The following ST7 variants were observed in gnomAD, a reference collection of about 807,000 sequenced individuals.
ST7 encodes suppressor of tumorigenicity 7 protein.
Under a neutral mutation model 78.7 loss-of-function variants are expected in ST7, and 28 were observed. The ratio of observed to expected loss-of-function variants is 0.36; its 90% confidence interval spans 0.26 to 0.49. The LOEUF (loss-of-function observed/expected upper bound fraction) is 0.49. Among genes scored for constraint, ST7 ranks in the 20% least tolerant of loss-of-function variants. The pLI is 0.99. For missense variants in ST7, 418 were observed against 696.0 expected, an observed-to-expected ratio of 0.60 and a Z score of 4.49; for synonymous variants, 247 against 249.6, an observed-to-expected ratio of 0.99 and a Z score of 0.10.
At chr7:117,212,776 A>G (rs902267569) in intron 13 of ST7, among the ~76,000 whole-genome samples, 2 of 152,196 alleles carry the variant, frequency 1.3e-5, no homozygotes, top group African/African-American at 4.8e-5. Flanking sequence ...ATGTATACAC[A>G]TATATTTAAA....
intron 1 of ST7, among the ~76,000 whole-genome samples, chr7:117,029,034 C>A (rs1796340696): frequency 6.6e-6 from 1 of 152,186 alleles, no homozygotes; most frequent in African/African-American, 2.4e-5. Flanking sequence ...ATAATTAACA[C>A]ATATTTTGTA....
chr7:117,048,147 G>A (rs951343376), intron 1 of ST7, among the ~76,000 whole-genome samples: 1 of 152,066 alleles, frequency 6.6e-6, no homozygotes, highest in Non-Finnish European at 1.5e-5. Flanking sequence ...TCATTTTCAT[G>A]TTTAGTAGGC....
intron 10 of ST7, among the ~76,000 whole-genome samples, chr7:117,183,707 A>G (rs963071833): frequency 1.3e-5 from 2 of 152,214 alleles, no homozygotes; most frequent in African/African-American, 2.4e-5. Flanking sequence ...AACAGTTTCC[A>G]ATAAAGTTAA....
chr7:117,195,538 A>G (rs1377192567), intron 12 of ST7, among the ~76,000 whole-genome samples: 1 of 152,222 alleles, frequency 6.6e-6, no homozygotes, highest in East Asian at 1.9e-4. Context: ...CTCACAGTTC[A>G]GCATGGCTAG....
intron 1 of ST7, among the ~76,000 whole-genome samples, chr7:116,982,919 A>G (rs554022004): frequency 3.0e-4 from 45 of 152,140 alleles, no homozygotes; most frequent in South Asian, 1.2e-3. Context: ...TGTTTTTGAG[A>G]TGGAGTTTCA....
At chr7:117,036,943 A>G (rs757480855) in intron 1 of ST7, among the ~76,000 whole-genome samples, 28 of 152,130 alleles carry the variant, frequency 1.8e-4, no homozygotes, top group Non-Finnish European at 3.7e-4. Flanking sequence ...AAGGCCGCTT[A>G]CAGAATTCAG....
At chr7:117,019,874 A>C (rs1049973183) in intron 1 of ST7, among the ~76,000 whole-genome samples, 1 of 152,248 alleles carries the variant, frequency 6.6e-6, no homozygotes, top group African/African-American at 2.4e-5. Flanking sequence ...CTAAAGACAG[A>C]TAATGTTTCT....
In ST7 at chr7:117,192,905, G is replaced by T. The variant is rs556738974; in HGVS notation, c.1254+1969G>T. 8.5e-5 allele frequency among the ~76,000 whole-genome samples: 13 copies of T among 152,238 alleles called. No individual in the cohort carries two copies. The East Asian group carries it at 2.5e-3, about 29-fold the overall frequency. On this transcript the variant is annotated intron_variant, in intron 12 of 15. Transcript: ENST00000323984. ...GTGGAAACATTTCAAATATTTGATTGCACTCTACTTTCTAATCATGAAACT... is the reference window on the plus strand; with the variant it reads ...GTGGAAACATTTCAAATATTTGATTTCACTCTACTTTCTAATCATGAAACT...
In ST7 at chr7:116,997,214, G is replaced by A. The variant is rs571810913; in HGVS notation, c.151+43523G>A. On this transcript the variant is annotated intron_variant, in intron 1 of 15. Transcript: ENST00000323984. ...GTGCCGACCCAAAGAGTGAGCAGCA[G>A]CAAGATTTATTGCAAAGAGCAAAAG... is the stretch of plus-strand genomic sequence containing the variant. 2.6e-5 allele frequency among the ~76,000 whole-genome samples: 4 copies of A among 152,276 alleles called. No homozygotes were observed. The South Asian group carries it at 8.3e-4, about 32-fold the overall frequency.
At chr7:116,991,498 A>G (rs765121304) in intron 1 of ST7, among the ~76,000 whole-genome samples, 5 of 152,184 alleles carry the variant, frequency 3.3e-5, no homozygotes, top group Non-Finnish European at 4.4e-5. Context: ...TCATAAAACC[A>G]TCAGATCTTG....
Position 117,151,215 on chromosome 7 carries a change from T to C in ST7, c.963+12683T>C, listed in dbSNP as rs1204089322. On this transcript the variant is annotated intron_variant, in intron 9 of 15. Transcript: ENST00000323984. ...TTCTGCTGAAAAGCCTTCAGTGATT[T>C]ACCATTGCCTTTAGAATAGAATGCA... Among the ~76,000 whole-genome samples, 3 of 152,240 alleles carry C rather than the reference T, an allele frequency of 2.0e-5. No homozygotes were observed. The South Asian group carries it at 6.2e-4, about 31-fold the overall frequency.
rs539834542 is a variant in ST7 at position 117,122,120 on chromosome 7, A to G, written c.394+2400A>G. On this transcript the variant is annotated intron_variant, in intron 3 of 15. Coordinates refer to ENST00000323984, the MANE Select transcript of ST7 (RefSeq NM_001369598.1). ...ACATTTGATTTGGATAGTGATTTGGATGGATGAATAAGGGAAAAGGGAGAC... is the reference window on the plus strand; with the variant it reads ...ACATTTGATTTGGATAGTGATTTGGGTGGATGAATAAGGGAAAAGGGAGAC... 2.0e-5 allele frequency among the ~76,000 whole-genome samples: 3 copies of G among 152,308 alleles called. No homozygotes were observed. In the South Asian group the frequency reaches 6.2e-4, roughly 32 times the overall value.
intron 12 of ST7, among the ~76,000 whole-genome samples, chr7:117,203,252 T>C (rs546855098): frequency 6.6e-6 from 1 of 152,322 alleles, no homozygotes; most frequent in Admixed American, 6.5e-5. Context: ...CAAATGCAGG[T>C]TTTGCCACTT....
At chr7:117,164,292 T>C in intron 9 of ST7, among the ~76,000 whole-genome samples, 1 of 151,944 alleles carries the variant, frequency 6.6e-6, no homozygotes, top group East Asian at 1.9e-4. Context: ...TGGATATTCA[T>C]ACACAAAAGA....
chr7:116,953,681 C>T lies in ST7; in HGVS notation c.141C>T (p.Asn47=), dbSNP rs968310354. ...ILRVPLKIND[N]LSTVSMFLNT... ...GGGTGCCTTTGAAAATCAACGACAA[C>T]TTGAGCACAGGTAAGGCCTGGGAGC... Residue 47 remains asparagine, a synonymous_variant, in exon 1 of 16, where the codon AAC becomes AAT. Coordinates refer to ENST00000323984, the MANE Select transcript of ST7 (RefSeq NM_001369598.1). 3.4e-6 allele frequency: 5 copies of T among 1,491,476 alleles called. No homozygotes were observed. The African/African-American group carries it at 7.3e-5, about 22-fold the overall frequency. 92.4% of individuals were successfully genotyped at this position (1,491,476 alleles called of 1,614,324 possible).
At chr7:117,205,720 C>T (rs1453906574) in intron 12 of ST7, among the ~76,000 whole-genome samples, 1 of 152,172 alleles carries the variant, frequency 6.6e-6, no homozygotes, top group Admixed American at 6.5e-5. Flanking sequence ...TCTTCATATG[C>T]CCTGACTTTG....
rs1800917197 is a variant in ST7, at chr7:117,095,020, C to T, written c.152-4742C>T. 2.6e-5 allele frequency among the ~76,000 whole-genome samples: 4 copies of T among 152,188 alleles called. 1 individual carries two copies. The South Asian group carries it at 8.3e-4, about 32-fold the overall frequency. ...GGATGCTGTGGATTTCATCATGCTG[C>T]TTATTCCATTATATCTAGTCAGTAC... On this transcript the variant is annotated intron_variant, in intron 1 of 15. Transcript: ENST00000323984.
chr7:117,175,822 T>G (rs1808306521), intron 10 of ST7, among the ~76,000 whole-genome samples: 1 of 152,200 alleles, frequency 6.6e-6, no homozygotes, highest in South Asian at 2.1e-4. Flanking sequence ...GTGTCACTCC[T>G]AAACTTCACC....
chr7:117,089,574 G>GTTTTTTTTT (rs1363196802), intron 1 of ST7, among the ~76,000 whole-genome samples: 1 of 136,730 alleles, frequency 7.3e-6, no homozygotes, highest in Non-Finnish European at 1.6e-5. Context: ...TTGTTTTTTT[G>GTTTTTTTTT]TTTTTTTTTT....
Sources: allele counts gnomAD v4.1 joint callset (sites outside exome capture counted in the v4.1 genomes callset), GRCh38; gene constraint gnomAD v4.1.1; transcripts MANE v1.5; gene names NCBI Gene and HGNC (gene_info 2026-07-23, HGNC 2026-07-21).